The following ATP4A variants were observed in gnomAD, a reference collection of about 807,000 sequenced individuals.
ATP4A encodes the protein potassium-transporting ATPase alpha chain 1.
A neutral mutation model predicts 112.1 loss-of-function variants in ATP4A; 73 were observed. That is an observed-to-expected ratio of 0.65 (90% CI 0.54 to 0.79). The LOEUF (loss-of-function observed/expected upper bound fraction) is 0.79. Among genes scored for constraint, ATP4A ranks in the 30% least tolerant of loss-of-function variants. ATP4A has a pLI of 0.00. For synonymous variants in ATP4A, 588 were observed against 588.9 expected, an observed-to-expected ratio of 1.00 and a Z score of 0.02; for missense variants, 1,081 against 1,425.9, an observed-to-expected ratio of 0.76 and a Z score of 3.90.
At chr19:35,561,103 C>T (rs1224433131) in intron 4 of ATP4A, among the ~76,000 whole-genome samples, 171 bp from the exon 5 acceptor site, 1 of 152,072 alleles carries the variant, frequency 6.6e-6, no homozygotes, top group Admixed American at 6.6e-5. Flanking sequence ...TCCCATGTCC[C>T]TCATGTCCCA....
Position 35,550,979 on chromosome 19 carries a change from C to T in ATP4A, c.2987+31G>A, listed in dbSNP as rs771198959. Reference sequence around the variant, plus strand: ...TCCCAGGCCTGTGCCCTACAGCCCCCTCCCTGTCCTTGCCCCTCACAGCCT... The same window carrying T: ...TCCCAGGCCTGTGCCCTACAGCCCCTTCCCTGTCCTTGCCCCTCACAGCCT... On this transcript the variant is annotated intron_variant, in intron 20 of 21. Coordinates refer to ENST00000262623, the MANE Select transcript of ATP4A (RefSeq NM_000704.3). The surrounding 1 kb of genome is among the most constrained non-coding windows in gnomAD (Gnocchi z 4.1). The T allele has an allele frequency of 7.4e-6, 12 of 1,613,032 alleles. No homozygotes were observed. The highest frequency in any genetic ancestry group is 1.1e-5 in the South Asian group (1 of 90,860).
rs181011523 is a variant in ATP4A at position 35,563,548 on chromosome 19, G to C, written c.13-21C>G. 728 of 1,613,938 alleles carry C rather than the reference G, an allele frequency of 4.5e-4. 9 individuals carry two copies. The Admixed American group carries it at 0.012, about 26-fold the overall frequency. Reference sequence around the variant, plus strand: ...TTCTCCTGGGAATGGACAGGATGGAGGGAGGGAGAACTCAGATTCCACTGC... The same window carrying C: ...TTCTCCTGGGAATGGACAGGATGGACGGAGGGAGAACTCAGATTCCACTGC... On this transcript the variant is annotated intron_variant, in intron 1 of 21. Coordinates refer to ENST00000262623, the MANE Select transcript of ATP4A (RefSeq NM_000704.3).
Position 35,555,752 on chromosome 19 carries a change from T to C in ATP4A, c.1930A>G (p.Ile644Val). 1 of 1,613,884 alleles carries C rather than the reference T, an allele frequency of 6.2e-7. No individual in the cohort carries two copies. The highest frequency in any genetic ancestry group is 8.5e-7 in the Non-Finnish European group (1 of 1,179,792). ...ACTGTCTCGCTGCCTTCCGAGATGA[T>C]GCCCACACTGGCTGCAATGGCCTTG... is the stretch of plus-strand genomic sequence containing the variant. Reference protein sequence around the residue: ...TAKAIAASVGIISEGSETVED... With the variant: ...TAKAIAASVGVISEGSETVED... The change falls in exon 13 of 22, where the codon ATC becomes GTC. Residue 644 changes from isoleucine to valine, a missense_variant. Physicochemically the swap from Ile to Val is conservative, Grantham distance 29 (BLOSUM62 3). This residue lies in a region of ATP4A where 850 missense variants were observed against 1,068.2 expected (regional missense o/e 0.80). Transcript: ENST00000262623. The surrounding 1 kb of genome is among the most constrained non-coding windows in gnomAD (Gnocchi z 6.6).
chr19:35,562,284 G>T, intron 4 of ATP4A, 151 bp downstream of exon 4: 1 of 933,382 alleles, frequency 1.1e-6, no homozygotes. Context: ...ATATCCCAAT[G>T]TCCTTCACCC....
Position 35,551,194 on chromosome 19 carries a change from A to G in ATP4A, c.2886-83T>C, listed in dbSNP as rs2071599822. 4 of 1,388,694 alleles carry G rather than the reference A, an allele frequency of 2.9e-6. No individual in the cohort carries two copies. Among genetic ancestry groups the G allele is most frequent in the Non-Finnish European group, 4.0e-6 (4 of 1,001,720 alleles). 86.0% of individuals were successfully genotyped at this position (1,388,694 alleles called of 1,614,324 possible). On this transcript the variant is annotated intron_variant, in intron 19 of 21. Transcript: ENST00000262623. The surrounding 1 kb of genome is among the most constrained non-coding windows in gnomAD (Gnocchi z 5.2). ...GATACTGTGGGTCAAAGTAGGTCAGATGTCAGCAGCAGCAGGGAGGTGTTC... is the reference window on the plus strand; with the variant it reads ...GATACTGTGGGTCAAAGTAGGTCAGGTGTCAGCAGCAGCAGGGAGGTGTTC...
rs567232858 is a variant in ATP4A at position 35,558,151 on chromosome 19, C to A, written c.1500+211G>T. On this transcript the variant is annotated intron_variant, in intron 10 of 21. Coordinates refer to ENST00000262623, the MANE Select transcript of ATP4A (RefSeq NM_000704.3). The surrounding 1 kb of genome is among the most constrained non-coding windows in gnomAD (Gnocchi z 5.1). The stretch of plus-strand genomic sequence containing the variant: ...GCGAGGTGCTCCCCATGGACAGTCC[C>A]GCCGAGGAGAAGCTGTGGGCGGGGC... 3 of 692,976 alleles carry A rather than the reference C, an allele frequency of 4.3e-6. No individual in the cohort carries two copies. The highest frequency in any genetic ancestry group is 7.1e-6 in the Non-Finnish European group (3 of 425,204). The allele number at this position is 692,976 out of a possible 1,614,324, so 42.9% of individuals were successfully genotyped here.
chr19:35,558,927 T>TAG lies in ATP4A; in HGVS notation c.1255+65_1255+66insCT. 1 of 1,583,154 alleles carries TAG rather than the reference T, an allele frequency of 6.3e-7. No individual in the cohort carries two copies. The highest frequency in any genetic ancestry group is 1.3e-5 in the African/African-American group (1 of 74,366). ...GTACAAAGCCCTCCCTACCTCCCTA[T>TAG]CCCTCTTCAGGTCTCCACCATCCAC... On this transcript the variant is annotated intron_variant, in intron 8 of 21. Coordinates refer to ENST00000262623, the MANE Select transcript of ATP4A (RefSeq NM_000704.3). This position sits in a 1 kb window ranked among gnomAD's most constrained non-coding sequence, Gnocchi z 5.1.
In ATP4A at chr19:35,558,916, C is replaced by G. The variant is rs2071650327; in HGVS notation, c.1255+77G>C. ...GCCCCGCCTTCGTACAAAGCCCTCC[C>G]TACCTCCCTATCCCTCTTCAGGTCT... On this transcript the variant is annotated intron_variant, in intron 8 of 21. Coordinates refer to ENST00000262623, the MANE Select transcript of ATP4A (RefSeq NM_000704.3). This position sits in a 1 kb window ranked among gnomAD's most constrained non-coding sequence, Gnocchi z 5.1. 6.4e-7 allele frequency: 1 copy of G among 1,560,192 alleles called. No individual in the cohort carries two copies. The highest frequency in any genetic ancestry group is 1.1e-5 in the South Asian group (1 of 87,454).
intron 3 of ATP4A, 132 bp downstream of exon 3, chr19:35,563,077 T>C: frequency 6.2e-6 from 4 of 644,590 alleles, no homozygotes; most frequent in African/African-American, 2.2e-5. Flanking sequence ...CCTCCCTCCC[T>C]CTCTCTATTT....
chr19:35,555,840 C>A lies in ATP4A; in HGVS notation c.1870-28G>T. 2 of 1,587,120 alleles carry A rather than the reference C, an allele frequency of 1.3e-6. No homozygotes were observed. The highest frequency in any genetic ancestry group is 1.3e-5 in the African/African-American group (1 of 74,636). On this transcript the variant is annotated intron_variant, in intron 12 of 21. Coordinates refer to ENST00000262623, the MANE Select transcript of ATP4A (RefSeq NM_000704.3). The surrounding 1 kb of genome is among the most constrained non-coding windows in gnomAD (Gnocchi z 6.6). ...GTAGGGGGAACCAGTGGATCACTGA[C>A]CCCTTCAGATCAGCCCAATCTCCCT...
At chr19:35,561,582 C>A (rs965764837) in intron 4 of ATP4A, among the ~76,000 whole-genome samples, 2 of 152,088 alleles carry the variant, frequency 1.3e-5, no homozygotes, top group East Asian at 3.9e-4. Flanking sequence ...ACTTTTCGAG[C>A]CTCTGTCCCA....
chr19:35,550,540 C>T lies in ATP4A; in HGVS notation c.*75G>A, dbSNP rs1568312476. 6.3e-7 allele frequency: 1 copy of T among 1,576,016 alleles called. No individual in the cohort carries two copies. Among genetic ancestry groups the T allele is most frequent in the East Asian group, 2.2e-5 (1 of 44,668 alleles). On this transcript the variant is annotated 3_prime_UTR_variant, in exon 22 of 22. Transcript: ENST00000262623. The surrounding 1 kb of genome is among the most constrained non-coding windows in gnomAD (Gnocchi z 4.1). The stretch of plus-strand genomic sequence containing the variant: ...CTTGGTTGCTCAGATATCTTGGTGG[C>T]TGTCCAGAGGGTCCCACGAGCCCTG...
At chr19:35,554,677 T>C (rs2071620055) in intron 16 of ATP4A, among the ~76,000 whole-genome samples, 1 of 152,072 alleles carries the variant, frequency 6.6e-6, no homozygotes, top group African/African-American at 2.4e-5. Context: ...ATCTGAGTCA[T>C]GTGTGTGCAT....
At position 35,560,226 on chromosome 19, in the gene ATP4A, G is replaced by A; in HGVS notation, c.787+137C>T. On this transcript the variant is annotated intron_variant, in intron 6 of 21. Coordinates refer to ENST00000262623, the MANE Select transcript of ATP4A (RefSeq NM_000704.3). The surrounding 1 kb of genome is among the most constrained non-coding windows in gnomAD (Gnocchi z 5.1). ...GAGACAGAGAAGCAGTGTGCCCTGG[G>A]GAGGTGGCAGTCACGGGGAGGTGGC... 1.3e-6 allele frequency: 2 copies of A among 1,524,130 alleles called. No individual in the cohort carries two copies. Among genetic ancestry groups the A allele is most frequent in the South Asian group, 2.5e-5 (2 of 80,990 alleles). The allele number at this position is 1,524,130 out of a possible 1,614,324, so 94.4% of individuals were successfully genotyped here.
intron 3 of ATP4A, 81 bp downstream of exon 3, chr19:35,563,128 C>T (rs2071681938): frequency 6.6e-7 from 1 of 1,514,190 alleles, no homozygotes; most frequent in Non-Finnish European, 9.1e-7. Flanking sequence ...CTCTCTCCCT[C>T]TCTCCATCTC....
rs1459149698 is a variant in ATP4A at position 35,553,108 on chromosome 19, ACAG to A, written c.2677_2679del (p.Leu893del). ...TCCCACTGCGCCCGCAGCCCCACGC[ACAG>A]CAGTGGGAACCAGCCCTCCTGGGCC... On this transcript the variant is annotated inframe_deletion, in exon 18 of 22. Transcript: ENST00000262623. The A allele has an allele frequency of 6.2e-7, 1 of 1,611,810 alleles. No individual in the cohort carries two copies. The highest frequency in any genetic ancestry group is 1.7e-5 in the Admixed American group (1 of 59,966).
chr19:35,562,335 A>G (rs1568316486), intron 4 of ATP4A, 100 bp downstream of exon 4: 3 of 1,383,816 alleles, frequency 2.2e-6, no homozygotes, highest in East Asian at 2.4e-5. Context: ...GTGTTCGTCT[A>G]TCCCCATCCT....
rs1380674173 is a variant in ATP4A, at chr19:35,555,417, C to T, written c.2157+23G>A. The stretch of plus-strand genomic sequence containing the variant: ...CAGCCCCGCCTGTCTGCCCGCCTGC[C>T]CACCCTCATCAGCAGGGCTCACCAG... On this transcript the variant is annotated intron_variant, in intron 14 of 21. Coordinates refer to ENST00000262623, the MANE Select transcript of ATP4A (RefSeq NM_000704.3). This position sits in a 1 kb window ranked among gnomAD's most constrained non-coding sequence, Gnocchi z 6.6. The T allele has an allele frequency of 1.2e-6, 2 of 1,608,248 alleles. No individual in the cohort carries two copies. The highest frequency in any genetic ancestry group is 4.5e-5 in the East Asian group (2 of 44,780).
intron 16 of ATP4A, among the ~76,000 whole-genome samples, chr19:35,554,675 CAT>C (rs1424203860): frequency 6.6e-6 from 1 of 152,128 alleles, no homozygotes; most frequent in East Asian, 1.9e-4. Flanking sequence ...GTATCTGAGT[CAT>C]GTGTGTGCAT....
Sources: allele counts gnomAD v4.1 joint callset (sites outside exome capture counted in the v4.1 genomes callset), GRCh38; gene constraint gnomAD v4.1.1; regional missense constraint gnomAD v4.1.1; non-coding constraint Gnocchi (gnomAD v3.1); transcripts MANE v1.5; gene names NCBI Gene and HGNC (gene_info 2026-07-23, HGNC 2026-07-21).